IRS1: variants seen among roughly 807,000 people sequenced by gnomAD.
The protein encoded by IRS1 is insulin receptor substrate 1.
In IRS1, 34 loss-of-function variants were observed where a neutral mutation model predicts 65.6. That is an observed-to-expected ratio of 0.52 (90% CI 0.39 to 0.69). The LOEUF (loss-of-function observed/expected upper bound fraction) is 0.69. Among genes scored for constraint, IRS1 ranks in the 30% least tolerant of loss-of-function variants. The pLI is 0.00. For missense variants in IRS1, 1,641 were observed against 1,720.2 expected (o/e 0.95, Z 0.81); for synonymous variants, 699 against 683.5 (o/e 1.02, Z -0.35).
At chr2:226,790,498 C>T (rs1939569280) in intron 1 of IRS1, among the ~76,000 whole-genome samples, 1 of 152,128 alleles carries the variant, frequency 6.6e-6, no homozygotes, top group Non-Finnish European at 1.5e-5. Context: ...CAATTGCAAA[C>T]ATTAAGCAAA....
intron 1 of IRS1, among the ~76,000 whole-genome samples, chr2:226,780,627 C>T (rs938052403): frequency 5.9e-5 from 9 of 152,164 alleles, no homozygotes; most frequent in Non-Finnish European, 1.0e-4. Context: ...CAAAACAAAG[C>T]AAAGTTCCTG....
chr2:226,776,236 A>G (rs991478270), intron 1 of IRS1, among the ~76,000 whole-genome samples: 3 of 152,220 alleles, frequency 2.0e-5, no homozygotes, highest in East Asian at 3.8e-4. Context: ...GCAACAAAAT[A>G]AAGTGTTACT....
At chr2:226,756,788 C>A (rs764858085) in intron 1 of IRS1, among the ~76,000 whole-genome samples, 1 of 151,888 alleles carries the variant, frequency 6.6e-6, no homozygotes, top group Non-Finnish European at 1.5e-5. Context: ...ATGATGAAAC[C>A]CCGTCTCTAC....
intron 1 of IRS1, among the ~76,000 whole-genome samples, chr2:226,747,359 G>A (rs904596912): frequency 1.3e-5 from 2 of 152,088 alleles, no homozygotes; most frequent in African/African-American, 2.4e-5. Flanking sequence ...ATTAAGTCAT[G>A]AGGGTGGAGC....
chr2:226,753,618 T>G (rs960250480), intron 1 of IRS1, among the ~76,000 whole-genome samples: 2 of 152,176 alleles, frequency 1.3e-5, no homozygotes. Flanking sequence ...AATTAAAAAC[T>G]GTGTATACCA....
chr2:226,766,151 A>AT (rs1357950302), intron 1 of IRS1, among the ~76,000 whole-genome samples: 32 of 4,098 alleles, frequency 7.8e-3, no homozygotes, highest in Non-Finnish European at 0.019. Flanking sequence ...ATATATATAT[A>AT]TATATATATA....
chr2:226,777,024 G>A (rs1269745706), intron 1 of IRS1, among the ~76,000 whole-genome samples: 1 of 152,054 alleles, frequency 6.6e-6, no homozygotes, highest in African/African-American at 2.4e-5. Context: ...AGAAAAATCT[G>A]GGAAACTGAT....
intron 1 of IRS1, among the ~76,000 whole-genome samples, chr2:226,761,353 A>G (rs1385930832): frequency 6.6e-6 from 1 of 152,162 alleles, no homozygotes; most frequent in African/African-American, 2.4e-5. Context: ...TACAGGGGGC[A>G]CTATTTACAC....
At position 226,795,280 on chromosome 2, in the gene IRS1, A is replaced by G. The variant is rs749083567; in HGVS notation, c.3459T>C (p.Pro1153=). 6 of 1,613,896 alleles carry G rather than the reference A, an allele frequency of 3.7e-6. No homozygotes were observed. In the Admixed American group the frequency reaches 1.0e-4, roughly 27 times the overall value. Residue 1153 remains proline, a synonymous_variant, in exon 1 of 2, where the codon CCT becomes CCC. Coordinates refer to ENST00000305123, the MANE Select transcript of IRS1 (RefSeq NM_005544.3). Reference sequence around the variant, plus strand: ...CCTTGGGGGCTCCCCCAAGCTCCCCAGGCCTCAGCCACACATTCTCAAAGG... The same window carrying G: ...CCTTGGGGGCTCCCCCAAGCTCCCCGGGCCTCAGCCACACATTCTCAAAGG... ...SASFENVWLR[P]GELGGAPKEP... is the part of the protein sequence containing the mutation.
intron 1 of IRS1, among the ~76,000 whole-genome samples, chr2:226,745,178 C>A (rs1938514842): frequency 6.6e-6 from 1 of 152,186 alleles, no homozygotes; most frequent in African/African-American, 2.4e-5. Context: ...GTATACCATT[C>A]ATCTTAGATT....
At chr2:226,737,462 T>C (rs1258237052) in intron 1 of IRS1, among the ~76,000 whole-genome samples, 1 of 152,172 alleles carries the variant, frequency 6.6e-6, no homozygotes, top group Non-Finnish European at 1.5e-5. Flanking sequence ...TCTATAAATA[T>C]CAGTATCTAC....
At position 226,797,553 on chromosome 2, in the gene IRS1, T is replaced by C. The variant is rs1457292409; in HGVS notation, c.1186A>G (p.Ser396Gly). The change falls in exon 1 of 2, where the codon AGC (serine) becomes GGC (glycine). Residue 396 changes from serine (S) to glycine (G), a missense_variant. Physicochemically the swap from Ser to Gly is moderately conservative, Grantham distance 56. Around this residue, in one of 3 missense-constraint regions of IRS1, gnomAD observed 1,324 missense variants for 1,361.0 expected, o/e 0.97. Transcript: ENST00000305123. This position sits in a 1 kb window ranked among gnomAD's most constrained non-coding sequence, Gnocchi z 8.1. ...GAGGTGGAGCCATGGCCACTGGTGCTACTGGACGACAGACTGACCGGGCTG... is the reference window on the plus strand; with the variant it reads ...GAGGTGGAGCCATGGCCACTGGTGCCACTGGACGACAGACTGACCGGGCTG... ...ATSPVSLSSS[S>G]TSGHGSTSDC... 3 of 1,605,302 alleles carry C rather than the reference T, an allele frequency of 1.9e-6. No homozygotes were observed. The African/African-American group carries it at 4.0e-5, about 21-fold the overall frequency.
intron 1 of IRS1, among the ~76,000 whole-genome samples, chr2:226,786,302 C>T (rs576219084): frequency 6.6e-6 from 1 of 152,052 alleles, no homozygotes; most frequent in Non-Finnish European, 1.5e-5. Flanking sequence ...TCACTAGAAA[C>T]TTTGTGAACC....
intron 1 of IRS1, among the ~76,000 whole-genome samples, chr2:226,778,496 A>G (rs1350479847): frequency 6.6e-6 from 1 of 152,210 alleles, no homozygotes; most frequent in Non-Finnish European, 1.5e-5. Context: ...AGCAGTTTCA[A>G]GATAGTCTTT....
intron 1 of IRS1, among the ~76,000 whole-genome samples, chr2:226,788,897 G>A (rs1939537664): frequency 6.6e-6 from 1 of 151,988 alleles, no homozygotes; most frequent in Non-Finnish European, 1.5e-5. Context: ...GGTAACGAAG[G>A]AATAAATCAG....
At chr2:226,752,186 T>C (rs1333240464) in intron 1 of IRS1, among the ~76,000 whole-genome samples, 1 of 152,090 alleles carries the variant, frequency 6.6e-6, no homozygotes, top group Non-Finnish European at 1.5e-5. Context: ...CAGAGAAAGA[T>C]CCCGAAGCAG....
In IRS1 at chr2:226,733,750, C is replaced by T. The variant is rs568654363; in HGVS notation, c.*2522G>A. 3.3e-5 allele frequency: 5 copies of T among 152,274 alleles called. No homozygotes were observed. Among genetic ancestry groups the T allele is most frequent in the Admixed American group, 6.5e-5 (1 of 15,296 alleles). The allele number at this position is 152,274 out of a possible 1,614,324, so 9.4% of individuals were successfully genotyped here. ...CTGACGTTGCTCAAAGGAAACCCTT[C>T]GTGTCGCCAGAGTATGAACTTTTGG... On this transcript the variant is annotated 3_prime_UTR_variant, in exon 2 of 2. Coordinates refer to ENST00000305123, the MANE Select transcript of IRS1 (RefSeq NM_005544.3).
rs372681714 is a variant in IRS1, at chr2:226,795,497, C to T, written c.3242G>A (p.Arg1081His). The T allele has an allele frequency of 6.2e-5, 100 of 1,613,388 alleles. No individual in the cohort carries two copies. Among genetic ancestry groups the T allele is most frequent in the Middle Eastern group, 1.6e-4 (1 of 6,084 alleles). Residue 1081 changes from arginine to histidine, a missense_variant, in exon 1 of 2, where the codon CGC (arginine) becomes CAC (histidine). By Grantham distance (29) the Arg-to-His change is conservative. Around this residue, in one of 3 missense-constraint regions of IRS1, gnomAD observed 1,324 missense variants for 1,361.0 expected, o/e 0.97. Transcript: ENST00000305123. ...AFTRVNLSPN[R>H]NQSAKVIRAD... ...ACGGATCACTTTGGCACTCTGGTTG[C>T]GGTTAGGACTGAGGTTCACCCGGGT...
At position 226,740,919 on chromosome 2, in the gene IRS1, T is replaced by C. The variant is rs533596857; in HGVS notation, c.*22-4669A>G. On this transcript the variant is annotated intron_variant, in intron 1 of 1. Transcript: ENST00000305123. ...TGTAGATGGAACTAGAAAATTAATA[T>C]AAATTAATTTCCTCCACTTAAAGAA... Among the ~76,000 whole-genome samples the C allele has an allele frequency of 7.9e-5, 12 of 152,240 alleles. No individual in the cohort carries two copies. The South Asian group carries it at 2.1e-3, about 26-fold the overall frequency.
Sources: gnomAD v4.1 joint callset for allele counts (sites outside exome capture counted in the v4.1 genomes callset) on GRCh38, gnomAD v4.1.1 for gene constraint, gnomAD v4.1.1 regional missense constraint, Gnocchi (gnomAD v3.1) non-coding constraint, MANE v1.5 for transcripts, NCBI Gene and HGNC (gene_info 2026-07-23, HGNC 2026-07-21) for gene names.